Variants in TTC39B observed in about 807,000 individuals in gnomAD.
TTC39B encodes the protein tetratricopeptide repeat domain 39B, also known as tetratricopeptide repeat protein 39B.
TTC39B carries 92 observed loss-of-function variants against 96.6 expected under a neutral mutation model. That is an observed-to-expected ratio of 0.95 (90% confidence interval 0.80 to 1.13). The LOEUF is 1.13. Among genes scored for constraint, TTC39B ranks in the 50% most tolerant of loss-of-function variants. The pLI, the probability that TTC39B is intolerant of heterozygous loss-of-function variation, is 0.00. For synonymous variants in TTC39B, 367 were observed against 299.4 expected (o/e 1.23, Z -2.33); for missense variants, 955 against 809.3 (o/e 1.18, Z -2.18).
intron 3 of TTC39B, among the ~76,000 whole-genome samples, chr9:15,218,632 T>TAAAAAAAAAAAAAAAATATATATATATA (rs545882970): frequency 1.9e-5 from 2 of 105,110 alleles, no homozygotes; most frequent in African/African-American, 7.1e-5. Context: ...TTAGTCTATT[T>TAAAAAAAAAAAAAAAATATATATATATA]TAAATATATA....
At chr9:15,165,620 A>T (rs947685669) in exon 20 of TTC39B, 1 of 152,232 alleles carries the variant, frequency 6.6e-6, no homozygotes, top group Non-Finnish European at 1.5e-5. Flanking sequence ...ACTTAGAATA[A>T]TGGCGGAAGG....
exon 20 of TTC39B, chr9:15,164,769 A>G (rs1382078927): frequency 2.0e-5 from 3 of 152,012 alleles, no homozygotes; most frequent in Non-Finnish European, 2.9e-5. Flanking sequence ...TACTTATGGA[A>G]TTTTCCCTAA....
intron 14 of TTC39B, among the ~76,000 whole-genome samples, chr9:15,187,254 T>C (rs1818580736): frequency 6.6e-6 from 1 of 152,194 alleles, no homozygotes; most frequent in South Asian, 2.1e-4. Context: ...ACAGCATTCA[T>C]AGGTGAGAAA....
chr9:15,303,121 T>C (rs1475492163), intron 1 of TTC39B, among the ~76,000 whole-genome samples: 6 of 152,094 alleles, frequency 3.9e-5, no homozygotes, highest in East Asian at 1.9e-4. Context: ...TGAGCCGAGA[T>C]TGTGCCACTG....
intron 1 of TTC39B, among the ~76,000 whole-genome samples, chr9:15,290,283 G>A (rs906202250): frequency 8.6e-5 from 13 of 151,996 alleles, no homozygotes; most frequent in African/African-American, 2.2e-4. Flanking sequence ...ATAAAATCTC[G>A]GGACCTAAAC....
At chr9:15,169,120 CTG>C (rs1449447463) in exon 20 of TTC39B, 1 of 152,178 alleles carries the variant, frequency 6.6e-6, no homozygotes, top group Non-Finnish European at 1.5e-5. Context: ...TGATTTTAGA[CTG>C]TTGGGTTTTC....
chr9:15,215,151 T>A (rs1485905294), intron 3 of TTC39B, among the ~76,000 whole-genome samples: 2 of 152,038 alleles, frequency 1.3e-5, no homozygotes, highest in Non-Finnish European at 2.9e-5. Context: ...GCTACAGGCA[T>A]TGCAGTGGGA....
At chr9:15,287,945 CAAAAAAAAAAAAA>C (rs762069142) in intron 1 of TTC39B, among the ~76,000 whole-genome samples, 10 of 68,950 alleles carry the variant, frequency 1.5e-4, no homozygotes, top group Non-Finnish European at 2.1e-4. Flanking sequence ...GACTCCATCT[CAAAAAAAAAAAAA>C]AAAAAAAAAA....
intron 1 of TTC39B, among the ~76,000 whole-genome samples, chr9:15,277,125 A>G (rs12335766): frequency 0.14 from 21,147 of 152,090 alleles, 2,475 homozygotes; most frequent in African/African-American, 0.32. Context: ...TGGGTTGCCC[A>G]GCATAAAAAA....
chr9:15,269,414 C>A (rs142712231), intron 1 of TTC39B, among the ~76,000 whole-genome samples: 1 of 152,178 alleles, frequency 6.6e-6, no homozygotes, highest in Non-Finnish European at 1.5e-5. Flanking sequence ...AGGGACTTAC[C>A]GTATCACACC....
At chr9:15,279,282 T>C (rs3901749) in intron 1 of TTC39B, among the ~76,000 whole-genome samples, 46,359 of 152,130 alleles carry the variant, frequency 0.3, 11,393 homozygotes, top group African/African-American at 0.68. Context: ...TTAGCAGTCC[T>C]TTACTTGTAG....
At chr9:15,275,390 T>C (rs1823503830) in intron 1 of TTC39B, among the ~76,000 whole-genome samples, 1 of 152,216 alleles carries the variant, frequency 6.6e-6, no homozygotes, top group Admixed American at 6.5e-5. Context: ...TTAGGGTTGA[T>C]GAAGTAAGGT....
intron 2 of TTC39B, among the ~76,000 whole-genome samples, chr9:15,245,632 T>C (rs966481520): frequency 6.6e-6 from 1 of 152,208 alleles, no homozygotes; most frequent in Non-Finnish European, 1.5e-5. Flanking sequence ...AAGAAAACAA[T>C]GACTACAGCC....
intron 2 of TTC39B, chr9:15,250,059 T>C: frequency 7.8e-7 from 1 of 1,284,040 alleles, no homozygotes; most frequent in African/African-American, 1.5e-5. Context: ...AAATCCTCAA[T>C]TTCTATTTTA....
At chr9:15,170,719 T>C (rs1177208475) in exon 20 of TTC39B, 3 of 152,104 alleles carry the variant, frequency 2.0e-5, no homozygotes, top group Non-Finnish European at 4.4e-5. Flanking sequence ...AAAATGGAAA[T>C]AGAAATAAGG....
At chr9:15,281,434 C>A (rs1404273683) in intron 1 of TTC39B, among the ~76,000 whole-genome samples, 3 of 151,998 alleles carry the variant, frequency 2.0e-5, no homozygotes, top group African/African-American at 7.3e-5. Flanking sequence ...TACTGGACCA[C>A]TCATACAGTG....
At chr9:15,191,377 C>A in intron 9 of TTC39B, 122 bp from the exon 10 acceptor site, 2 of 635,224 alleles carry the variant, frequency 3.1e-6, no homozygotes, top group Non-Finnish European at 5.4e-6. Context: ...AAGTTTTAAC[C>A]ACCAGATATT....
intron 3 of TTC39B, among the ~76,000 whole-genome samples, chr9:15,221,694 C>T (rs1820851761): frequency 6.6e-6 from 1 of 152,178 alleles, no homozygotes; most frequent in South Asian, 2.1e-4. Flanking sequence ...GCTATGTCTA[C>T]TTTAGTAGAT....
intron 5 of TTC39B, among the ~76,000 whole-genome samples, chr9:15,210,456 T>C (rs1047034547): frequency 2.6e-5 from 4 of 152,174 alleles, no homozygotes; most frequent in African/African-American, 7.2e-5. Flanking sequence ...ATAACTAAAA[T>C]CAGTATTTGT....
Sources: allele counts gnomAD v4.1 joint callset (sites outside exome capture counted in the v4.1 genomes callset), GRCh38; gene constraint gnomAD v4.1.1; transcripts MANE v1.5; gene names NCBI Gene and HGNC (gene_info 2026-07-23, HGNC 2026-07-21).